CFAP299: variants seen among roughly 807,000 people sequenced by gnomAD.
CFAP299 encodes cilia and flagella associated protein 299.
Under a neutral mutation model 27.0 loss-of-function variants are expected in CFAP299, and 21 were observed. The ratio of observed to expected loss-of-function variants is 0.78; its 90% CI spans 0.55 to 1.12. CFAP299 has a LOEUF of 1.12. Ranked by LOEUF, CFAP299 falls within the 50% of genes most tolerant of loss-of-function variation. The probability of loss-of-function intolerance (pLI) is 0.00; values close to 1 mark genes in which losing one functional copy is unlikely to be tolerated. For synonymous variants in CFAP299, 104 were observed against 98.1 expected (o/e 1.06, Z -0.36); for missense variants, 310 against 276.6 (o/e 1.12, Z -0.86).
rs1273703788 is a variant in CFAP299, at chr4:80,587,274, GA to G, written c.333+4095del. 3.3e-5 allele frequency among the ~76,000 whole-genome samples: 5 copies of G among 152,136 alleles called. No homozygotes were observed. The East Asian group carries it at 9.7e-4, about 29-fold the overall frequency. ...AAATAAATTACATCAACGTTTGGGGGAAAATGTATATCAACATTTATTTCAC... is the reference window on the plus strand; with the variant it reads ...AAATAAATTACATCAACGTTTGGGGGAAATGTATATCAACATTTATTTCAC... On this transcript the variant is annotated intron_variant, in intron 3 of 5. Coordinates refer to ENST00000358105, the MANE Select transcript of CFAP299 (RefSeq NM_152770.3).
chr4:80,725,375 G>GA (rs1723098898), intron 3 of CFAP299, among the ~76,000 whole-genome samples: 1 of 151,820 alleles, frequency 6.6e-6, no homozygotes, highest in Non-Finnish European at 1.5e-5. Flanking sequence ...CGTTTCCTGT[G>GA]AATCACTTTC....
intron 2 of CFAP299, among the ~76,000 whole-genome samples, chr4:80,416,450 A>T (rs1173134405): frequency 2.0e-5 from 3 of 152,210 alleles, no homozygotes; most frequent in Admixed American, 1.3e-4. Context: ...AAAAGCAGAT[A>T]TAGCTAATAC....
chr4:80,895,452 A>T (rs1471328332), intron 4 of CFAP299, among the ~76,000 whole-genome samples: 1 of 152,058 alleles, frequency 6.6e-6, no homozygotes, highest in East Asian at 1.9e-4. Context: ...TAAGCACAAG[A>T]TTAGAAATGT....
At chr4:80,505,600 A>G (rs1731985922) in intron 2 of CFAP299, among the ~76,000 whole-genome samples, 1 of 152,188 alleles carries the variant, frequency 6.6e-6, no homozygotes, top group Non-Finnish European at 1.5e-5. Context: ...ACACTTGAAT[A>G]CTAAGCAATA....
chr4:80,684,880 A>G (rs1720087032), intron 3 of CFAP299, among the ~76,000 whole-genome samples: 1 of 152,132 alleles, frequency 6.6e-6, no homozygotes, highest in South Asian at 2.1e-4. Context: ...TGTTAAGCCC[A>G]GGTGCTTCAG....
At chr4:80,423,313 A>T (rs1439810143) in intron 2 of CFAP299, among the ~76,000 whole-genome samples, 1 of 152,232 alleles carries the variant, frequency 6.6e-6, no homozygotes, top group Non-Finnish European at 1.5e-5. Flanking sequence ...AGACAACAAA[A>T]ATTCAACAAT....
rs144623536 is a variant in CFAP299, at chr4:80,816,394, A to G, written c.334-53599A>G. 4.3e-3 allele frequency among the ~76,000 whole-genome samples: 653 copies of G among 152,294 alleles called. 5 individuals are homozygous for G. The highest frequency in any genetic ancestry group is 0.015 in the African/African-American group (610 of 41,572). ...AAAGGAAAATAAATCCCTTTAATAT[A>G]GAAAATGATATAGTGATACTCCCTC... On this transcript the variant is annotated intron_variant, in intron 3 of 5. Transcript: ENST00000358105.
At chr4:80,899,946 A>C (rs1734802629) in intron 4 of CFAP299, among the ~76,000 whole-genome samples, 1 of 152,166 alleles carries the variant, frequency 6.6e-6, no homozygotes, top group Non-Finnish European at 1.5e-5. Flanking sequence ...TTGTGTCTGG[A>C]AATAGGTAAA....
chr4:80,790,597 A>T (rs1009798410), intron 3 of CFAP299: 1 of 152,020 alleles, frequency 6.6e-6, no homozygotes, highest in Admixed American at 6.6e-5. Context: ...TCAGGTAAGG[A>T]TACAGTAAGT....
chr4:80,343,948 T>C (rs1254642195), intron 1 of CFAP299, among the ~76,000 whole-genome samples: 1 of 152,028 alleles, frequency 6.6e-6, no homozygotes, highest in East Asian at 1.9e-4. Context: ...TTGTAACTAA[T>C]GAGAACAAGG....
intron 3 of CFAP299, among the ~76,000 whole-genome samples, chr4:80,683,066 G>T (rs545405655): frequency 2.0e-5 from 3 of 152,190 alleles, no homozygotes; most frequent in South Asian, 4.1e-4. Context: ...CACAGATTTT[G>T]TTAAGTTCTT....
chr4:80,387,812 G>T lies in CFAP299; in HGVS notation c.242+24928G>T, dbSNP rs1205930351. The T allele has an allele frequency of 2.5e-6, 4 of 1,569,432 alleles. No individual in the cohort carries two copies. The African/African-American group carries it at 4.1e-5, about 16-fold the overall frequency. On this transcript the variant is annotated intron_variant, in intron 2 of 5. Coordinates refer to ENST00000358105, the MANE Select transcript of CFAP299 (RefSeq NM_152770.3). ...GGGCACTTGAGTTTCTGAGCCTTTGGCTTCCCTGTAGCTTCCAGGAGTCCC... is the reference window on the plus strand; with the variant it reads ...GGGCACTTGAGTTTCTGAGCCTTTGTCTTCCCTGTAGCTTCCAGGAGTCCC...
At chr4:80,450,660 C>T (rs1578458563) in intron 2 of CFAP299, among the ~76,000 whole-genome samples, 3 of 151,608 alleles carry the variant, frequency 2.0e-5, no homozygotes, top group Admixed American at 2.0e-4. Flanking sequence ...TTCAGAAATA[C>T]AGTATTTCTG....
intron 4 of CFAP299, among the ~76,000 whole-genome samples, chr4:80,933,071 A>G (rs1736702708): frequency 6.6e-6 from 1 of 152,052 alleles, no homozygotes; most frequent in African/African-American, 2.4e-5. Flanking sequence ...AATCACCACA[A>G]TCAAGCTAGC....
rs1370003443 is a variant in CFAP299, at chr4:80,782,635, A to G, written c.334-87358A>G. 6.0e-5 allele frequency among the ~76,000 whole-genome samples: 7 copies of G among 117,106 alleles called. No homozygotes were observed. The East Asian group carries it at 6.5e-4, about 11-fold the overall frequency. 76.8% of individuals were successfully genotyped at this position (117,106 alleles called of 152,430 possible). The stretch of plus-strand genomic sequence containing the variant: ...ATTAATATATAATATATTCATATAT[A>G]ATATACATATATGAATATATAATAT... On this transcript the variant is annotated intron_variant, in intron 3 of 5. Coordinates refer to ENST00000358105, the MANE Select transcript of CFAP299 (RefSeq NM_152770.3).
intron 4 of CFAP299, among the ~76,000 whole-genome samples, chr4:80,929,044 G>T (rs1461238719): frequency 6.6e-6 from 1 of 152,078 alleles, no homozygotes; most frequent in Non-Finnish European, 1.5e-5. Flanking sequence ...AGAACAAAAG[G>T]TCAGACATGC....
intron 3 of CFAP299, among the ~76,000 whole-genome samples, chr4:80,679,170 T>TATTTTGAA (rs1171865438): frequency 6.6e-6 from 1 of 152,104 alleles, no homozygotes; most frequent in Non-Finnish European, 1.5e-5. Context: ...CACTGTATAA[T>TATTTTGAA]ATTTTGAAAT....
chr4:80,817,418 A>G (rs963193526), intron 3 of CFAP299, among the ~76,000 whole-genome samples: 2 of 152,162 alleles, frequency 1.3e-5, no homozygotes, highest in African/African-American at 4.8e-5. Context: ...CAAGATCAAT[A>G]TGAATACATT....
At chr4:80,957,247 A>G (rs536612478) in intron 5 of CFAP299, among the ~76,000 whole-genome samples, 1 of 152,234 alleles carries the variant, frequency 6.6e-6, no homozygotes, top group East Asian at 1.9e-4. Flanking sequence ...GGACCCAGTA[A>G]TGGGTTTCAG....
Sources: gnomAD v4.1 joint callset for allele counts (sites outside exome capture counted in the v4.1 genomes callset) on GRCh38, gnomAD v4.1.1 for gene constraint, MANE v1.5 for transcripts, NCBI Gene and HGNC (gene_info 2026-07-23, HGNC 2026-07-21) for gene names.